RUFY2: variants seen among roughly 807,000 people sequenced by gnomAD.
The protein encoded by RUFY2 is RUN and FYVE domain containing 2, also known as RUN and FYVE domain-containing protein 2.
RUFY2 carries 49 observed loss-of-function variants against 94.4 expected under a neutral mutation model. The observed-to-expected ratio is 0.52, with a 90% CI of 0.41 to 0.66. The LOEUF (loss-of-function observed/expected upper bound fraction) is 0.66. RUFY2 is among the 30% of genes least tolerant of loss of function. RUFY2 has a pLI of 0.00. For synonymous variants in RUFY2, 255 were observed against 235.7 expected, an observed-to-expected ratio of 1.08 and a Z score of -0.75; for missense variants, 541 against 692.8, an observed-to-expected ratio of 0.78 and a Z score of 2.46.
intron 16 of RUFY2, among the ~76,000 whole-genome samples, chr10:68,347,278 CTTTTTTT>C (rs66465620): frequency 3.5e-5 from 3 of 86,510 alleles, no homozygotes; most frequent in South Asian, 1.1e-3. Context: ...CAACTTGACC[CTTTTTTT>C]TTTTTTTTTT....
intron 15 of RUFY2, 143 bp downstream of exon 15, chr10:68,363,447 G>A (rs947870996): frequency 3.6e-5 from 18 of 503,132 alleles, no homozygotes; most frequent in African/African-American, 6.0e-5. Context: ...TACAAAGTGC[G>A]GGGATTACAG....
chr10:68,403,135 C>T (rs10998115), intron 2 of RUFY2, among the ~76,000 whole-genome samples: 6 of 149,728 alleles, frequency 4.0e-5, no homozygotes, highest in Admixed American at 6.7e-5. Flanking sequence ...CATGAGCCAT[C>T]GCACCCAGCC....
intron 1 of RUFY2, chr10:68,406,756 A>G (rs1466366091): frequency 6.2e-7 from 1 of 1,608,740 alleles, no homozygotes; most frequent in Non-Finnish European, 8.5e-7. Context: ...GGGCTCACCC[A>G]GGCTCCTGCG....
Position 68,372,507 on chromosome 10 carries a change from G to C in RUFY2, c.1325+4346C>G, listed in dbSNP as rs928989597. On this transcript the variant is annotated intron_variant, in intron 13 of 17. Coordinates refer to ENST00000602465, the MANE Select transcript of RUFY2 (RefSeq NM_001330103.2). ...AGGCAAGAGCATTGCTTGAGCCCAG[G>C]AGCTTGAGGTTGCAGTGAGCCATGA... is the stretch of plus-strand genomic sequence containing the variant. 7.9e-5 allele frequency among the ~76,000 whole-genome samples: 12 copies of C among 151,450 alleles called. No individual in the cohort carries two copies. The East Asian group carries it at 2.1e-3, about 27-fold the overall frequency.
At chr10:68,404,195 T>A (rs1019209040) in intron 2 of RUFY2, among the ~76,000 whole-genome samples, 3 of 152,230 alleles carry the variant, frequency 2.0e-5, no homozygotes, top group African/African-American at 7.2e-5. Flanking sequence ...GAGTACAATA[T>A]CTGCTGTTAT....
At chr10:68,341,289 C>T, downstream of RUFY2, 1 of 1,600,880 alleles carries the variant, frequency 6.2e-7, no homozygotes, top group Non-Finnish European at 8.5e-7. Context: ...GCTGCCATGT[C>T]TAAAGATAAA....
At chr10:68,346,983 G>A (rs560285011) in intron 16 of RUFY2, among the ~76,000 whole-genome samples, 25 of 152,114 alleles carry the variant, frequency 1.6e-4, no homozygotes, top group South Asian at 1.2e-3. Context: ...ACCAGGCTGC[G>A]TGGCATAAGC....
At chr10:68,374,239 T>C (rs114137365) in intron 13 of RUFY2, among the ~76,000 whole-genome samples, 5,393 of 150,092 alleles carry the variant, frequency 0.036, 295 homozygotes, top group African/African-American at 0.12. Flanking sequence ...AGTGCAAGAC[T>C]AGCCTGGGCA....
chr10:68,386,863 G>A (rs2049541806), intron 7 of RUFY2, among the ~76,000 whole-genome samples: 1 of 152,038 alleles, frequency 6.6e-6, no homozygotes, highest in Non-Finnish European at 1.5e-5. Context: ...CCATTTTCAT[G>A]AGAACTTAGA....
chr10:68,341,709 T>G (rs780278872), downstream of RUFY2: 33 of 1,583,194 alleles, frequency 2.1e-5, no homozygotes, highest in Non-Finnish European at 2.7e-5. Context: ...ATATGCAGGG[T>G]TAGCTGCTTA....
At chr10:68,387,359 A>G (rs2049586502) in intron 7 of RUFY2, among the ~76,000 whole-genome samples, 1 of 151,930 alleles carries the variant, frequency 6.6e-6, no homozygotes, top group Non-Finnish European at 1.5e-5. Context: ...CTCCATCTCA[A>G]AAAAAAAGAA....
chr10:68,346,131 T>C (rs200239363), intron 16 of RUFY2, 47 bp from the exon 17 acceptor site: 1 of 1,438,626 alleles, frequency 7.0e-7, no homozygotes, highest in East Asian at 2.3e-5. Flanking sequence ...CACTAAAAAT[T>C]AAATGTGAAA....
In RUFY2 at chr10:68,386,045, C is replaced by T; in HGVS notation, c.720+14G>A. ...CACTAGGTCCATGAAATACATTTATCCATTAGACAATACCTCTTCAATCAG... is the reference window on the plus strand; with the variant it reads ...CACTAGGTCCATGAAATACATTTATTCATTAGACAATACCTCTTCAATCAG... On this transcript the variant is annotated intron_variant, in intron 8 of 17. Coordinates refer to ENST00000602465, the MANE Select transcript of RUFY2 (RefSeq NM_001330103.2). The T allele has an allele frequency of 6.5e-7, 1 of 1,547,990 alleles. No individual in the cohort carries two copies. Among genetic ancestry groups the T allele is most frequent in the East Asian group, 2.3e-5 (1 of 44,330 alleles).
intron 7 of RUFY2, among the ~76,000 whole-genome samples, chr10:68,388,327 G>A (rs1394958900): frequency 6.6e-6 from 1 of 151,908 alleles, no homozygotes; most frequent in Non-Finnish European, 1.5e-5. Flanking sequence ...GCCCAGCGTG[G>A]TGTTACGTGT....
At chr10:68,353,139 C>G (rs1423120528) in intron 16 of RUFY2, among the ~76,000 whole-genome samples, 3 of 151,790 alleles carry the variant, frequency 2.0e-5, no homozygotes, top group Non-Finnish European at 4.4e-5. Context: ...TTGAGACCAG[C>G]CTGGCCAACA....
At position 68,364,056 on chromosome 10, in the gene RUFY2, T is replaced by C. The variant is rs1470104388; in HGVS notation, c.1383A>G (p.Glu461=). The C allele has an allele frequency of 6.2e-7, 1 of 1,612,990 alleles. No homozygotes were observed. The highest frequency in any genetic ancestry group is 1.7e-5 in the Admixed American group (1 of 59,994). Reference sequence around the variant, plus strand: ...AGGCATCTTTCTCCTTTTGAAGATCTTCCTGCAAAGTCTGCCTCCATTCCT... The same window carrying C: ...AGGCATCTTTCTCCTTTTGAAGATCCTCCTGCAAAGTCTGCCTCCATTCCT... ...IEKEWRQTLQ[E]DLQKEKDALS... is the part of the protein sequence containing the mutation. The change falls in exon 14 of 18, where the codon GAA becomes GAG. Residue 461 remains glutamate (E), a synonymous_variant. Transcript: ENST00000602465.
At chr10:68,374,871 C>T (rs755305523) in intron 13 of RUFY2, among the ~76,000 whole-genome samples, 52 of 152,142 alleles carry the variant, frequency 3.4e-4, no homozygotes, top group South Asian at 1.0e-3. Flanking sequence ...ATGCCCCTGT[C>T]AACCTCAACC....
At position 68,344,291 on chromosome 10, in the gene RUFY2, ACTC is replaced by A. The variant is rs1204139493; in HGVS notation, c.*1474_*1476del. The stretch of plus-strand genomic sequence containing the variant: ...AAAAGATCCTGCAGTATTAATAAGA[ACTC>A]CTTTGTAGGCAGGGAGGTACCTAGG... On this transcript the variant is annotated 3_prime_UTR_variant, in exon 18 of 18. Coordinates refer to ENST00000602465, the MANE Select transcript of RUFY2 (RefSeq NM_001330103.2). 1 of 152,078 alleles carries A rather than the reference ACTC, an allele frequency of 6.6e-6. No homozygotes were observed. The highest frequency in any genetic ancestry group is 6.6e-5 in the Admixed American group (1 of 15,256). 9.4% of individuals were successfully genotyped at this position (152,078 alleles called of 1,614,324 possible). A position where few individuals can be genotyped will look rare whatever the true frequency, so the allele number is the denominator to read the frequency against.
intron 8 of RUFY2, among the ~76,000 whole-genome samples, chr10:68,384,844 T>C (rs1003677930): frequency 6.6e-6 from 1 of 152,150 alleles, no homozygotes; most frequent in African/African-American, 2.4e-5. Flanking sequence ...CCTACTAAAG[T>C]CAAGAAGAGG....
Sources: allele counts gnomAD v4.1 joint callset (sites outside exome capture counted in the v4.1 genomes callset), GRCh38; gene constraint gnomAD v4.1.1; transcripts MANE v1.5; gene names NCBI Gene and HGNC (gene_info 2026-07-23, HGNC 2026-07-21).